ARHGEF3: variants seen among roughly 807,000 people sequenced by gnomAD.
ARHGEF3 encodes Rho guanine nucleotide exchange factor 3, also known as 59.8 kDA protein.
A neutral mutation model predicts 63.2 loss-of-function variants in ARHGEF3; 28 were observed. The observed-to-expected ratio is 0.44, with a 90% CI of 0.33 to 0.61. The LOEUF (loss-of-function observed/expected upper bound fraction) is 0.61. Ranked by LOEUF, ARHGEF3 falls within the 20% of genes least tolerant of loss-of-function variation. ARHGEF3 has a pLI of 0.03. For missense variants in ARHGEF3, 533 were observed against 659.3 expected (o/e 0.81, Z 2.10); for synonymous variants, 266 against 254.2 (o/e 1.05, Z -0.44).
intron 3 of ARHGEF3, among the ~76,000 whole-genome samples, chr3:56,919,641 G>C (rs559810222): frequency 6.6e-6 from 1 of 152,170 alleles, no homozygotes; most frequent in Non-Finnish European, 1.5e-5. Flanking sequence ...TGATGAAAGT[G>C]CACCTGTGTG....
intron 2 of ARHGEF3, among the ~76,000 whole-genome samples, chr3:57,006,218 A>G (rs1166156150): frequency 6.6e-6 from 1 of 152,232 alleles, no homozygotes; most frequent in Non-Finnish European, 1.5e-5. Context: ...CATCCCAGTC[A>G]TGCATTAAAG....
intron 2 of ARHGEF3, among the ~76,000 whole-genome samples, chr3:56,760,153 G>A (rs994887651): frequency 6.6e-6 from 1 of 152,098 alleles, no homozygotes; most frequent in Non-Finnish European, 1.5e-5. Flanking sequence ...GGAATTCCTT[G>A]GTCTAAGAAG....
intron 2 of ARHGEF3, among the ~76,000 whole-genome samples, chr3:56,758,739 A>T (rs568601164): frequency 1.3e-4 from 20 of 152,212 alleles, no homozygotes; most frequent in Non-Finnish European, 2.2e-4. Context: ...GTAACCAGGA[A>T]CTAAATGCAC....
chr3:56,934,859 C>T (rs965594541), intron 3 of ARHGEF3, among the ~76,000 whole-genome samples: 6 of 152,256 alleles, frequency 3.9e-5, no homozygotes, highest in African/African-American at 7.2e-5. Flanking sequence ...GAGCACACGG[C>T]GCTGGACTGG....
chr3:56,864,850 A>G (rs1046840816), intron 4 of ARHGEF3, among the ~76,000 whole-genome samples: 6 of 152,158 alleles, frequency 3.9e-5, no homozygotes, highest in Non-Finnish European at 8.8e-5. Context: ...CAGTTATTAT[A>G]TTACATATAA....
chr3:57,019,431 G>A (rs1703154719), intron 2 of ARHGEF3, among the ~76,000 whole-genome samples: 1 of 152,110 alleles, frequency 6.6e-6, no homozygotes, highest in Admixed American at 6.5e-5. Flanking sequence ...CTAGGGAGGA[G>A]ATGAGGAGGG....
intron 2 of ARHGEF3, among the ~76,000 whole-genome samples, chr3:57,014,336 A>C (rs1175597497): frequency 1.3e-5 from 2 of 152,228 alleles, no homozygotes; most frequent in Non-Finnish European, 2.9e-5. Flanking sequence ...GATTCTGGAC[A>C]CAATAGTGCA....
At chr3:56,747,340 C>T (rs1439564171) in intron 6 of ARHGEF3, among the ~76,000 whole-genome samples, 2 of 152,220 alleles carry the variant, frequency 1.3e-5, no homozygotes, top group East Asian at 3.8e-4. Flanking sequence ...TGCCCTGCTA[C>T]CATGGCAACC....
At chr3:56,963,340 A>G (rs926036117) in intron 2 of ARHGEF3, among the ~76,000 whole-genome samples, 2 of 152,272 alleles carry the variant, frequency 1.3e-5, no homozygotes, top group Admixed American at 1.3e-4. Context: ...TGAGGCTCAT[A>G]TTGGAGGGCC....
intron 2 of ARHGEF3, among the ~76,000 whole-genome samples, chr3:56,978,876 C>T (rs2106889940): frequency 6.6e-6 from 1 of 152,342 alleles, no homozygotes; most frequent in South Asian, 2.1e-4. Context: ...CCCCTTGAGG[C>T]TGGGTACAGT....
intron 7 of ARHGEF3, among the ~76,000 whole-genome samples, chr3:56,737,564 T>C (rs1415804537): frequency 6.6e-6 from 1 of 152,086 alleles, no homozygotes; most frequent in Non-Finnish European, 1.5e-5. Context: ...TACACACACA[T>C]TTATTTGTAT....
At chr3:56,912,824 A>G (rs1250067034) in intron 3 of ARHGEF3, among the ~76,000 whole-genome samples, 2 of 152,226 alleles carry the variant, frequency 1.3e-5, no homozygotes, top group East Asian at 1.9e-4. Context: ...AAATTACCCC[A>G]GTCACATCAA....
intron 2 of ARHGEF3, among the ~76,000 whole-genome samples, chr3:57,016,772 C>G (rs901873804): frequency 1.3e-5 from 2 of 152,066 alleles, no homozygotes; most frequent in South Asian, 2.1e-4. Context: ...CTTGGTCCCC[C>G]CCAGGTCTAT....
At chr3:56,962,569 C>T (rs542528188) in intron 2 of ARHGEF3, among the ~76,000 whole-genome samples, 51 of 152,240 alleles carry the variant, frequency 3.3e-4, no homozygotes, top group Middle Eastern at 6.8e-3. Context: ...ATGACCACTT[C>T]CATAGAGGGA....
chr3:57,003,288 A>G (rs1702332414), intron 2 of ARHGEF3, among the ~76,000 whole-genome samples: 1 of 148,894 alleles, frequency 6.7e-6, no homozygotes, highest in South Asian at 2.1e-4. Context: ...CTGTAGTCCC[A>G]GCTACTCGGG....
At chr3:56,795,706 C>T (rs1163172195) in intron 1 of ARHGEF3, among the ~76,000 whole-genome samples, 5 of 144,074 alleles carry the variant, frequency 3.5e-5, no homozygotes, top group South Asian at 2.2e-4. Flanking sequence ...ACTGGAGTGG[C>T]GCTCGGCTCA....
In ARHGEF3 at chr3:56,915,828, A is replaced by C. The variant is rs2082878581; in HGVS notation, c.130-33474T>G. Among the ~76,000 whole-genome samples, 7 of 152,360 alleles carry C rather than the reference A, an allele frequency of 4.6e-5. No homozygotes were observed. In the South Asian group the frequency reaches 1.5e-3, roughly 32 times the overall value. On this transcript the variant is annotated intron_variant, in intron 3 of 12. Transcript: ENST00000338458. ...TGAGTTTAGCCATCTTCCAATCCAA[A>C]GAAAAAGAGAAGATCTTGGAAATCC...
At chr3:56,817,254 G>C (rs1428983857) in intron 4 of ARHGEF3, among the ~76,000 whole-genome samples, 2 of 152,158 alleles carry the variant, frequency 1.3e-5, no homozygotes, top group African/African-American at 4.8e-5. Flanking sequence ...TGGTTAAGGG[G>C]CTACCACATA....
At chr3:56,980,064 A>G (rs2106896454) in intron 2 of ARHGEF3, among the ~76,000 whole-genome samples, 1 of 152,332 alleles carries the variant, frequency 6.6e-6, no homozygotes, top group African/African-American at 2.4e-5. Context: ...GAGAATGATG[A>G]TGATAACTCA....
Sources: gnomAD v4.1 joint callset for allele counts (sites outside exome capture counted in the v4.1 genomes callset) on GRCh38, gnomAD v4.1.1 for gene constraint, MANE v1.5 for transcripts, NCBI Gene and HGNC (gene_info 2026-07-23, HGNC 2026-07-21) for gene names.